Variants in TLN2 observed in about 807,000 individuals in gnomAD.
TLN2 encodes talin 2.
A neutral mutation model predicts 294.7 loss-of-function variants in TLN2; 118 were observed. The ratio of observed to expected loss-of-function variants is 0.40; its 90% confidence interval spans 0.34 to 0.47. The LOEUF (loss-of-function observed/expected upper bound fraction) is 0.47, where lower values mean the gene tolerates loss of function less well. Ranked by LOEUF, TLN2 falls within the 20% of genes least tolerant of loss-of-function variation. The pLI, the probability that TLN2 is intolerant of heterozygous loss-of-function variation, is 0.84. For synonymous variants in TLN2, 1,431 were observed against 1,304.5 expected (o/e 1.10, Z -2.09); for missense variants, 3,083 against 3,282.2 (o/e 0.94, Z 1.48).
intron 48 of TLN2, among the ~76,000 whole-genome samples, chr15:62,797,679 C>G (rs2065598789): frequency 6.6e-6 from 1 of 152,104 alleles, no homozygotes; most frequent in Non-Finnish European, 1.5e-5. Context: ...CACGGCATAC[C>G]TGAGGGAGGG....
At chr15:62,678,331 T>G (rs2056460705) in intron 11 of TLN2, among the ~76,000 whole-genome samples, 3 of 152,226 alleles carry the variant, frequency 2.0e-5, no homozygotes, top group Non-Finnish European at 2.9e-5. Context: ...TAAGAATTAA[T>G]GAACCTGAAT....
At chr15:62,391,015 G>A (rs1372320828) in intron 1 of TLN2, among the ~76,000 whole-genome samples, 2 of 152,244 alleles carry the variant, frequency 1.3e-5, no homozygotes, top group Non-Finnish European at 2.9e-5. Context: ...CTGGCCGTGG[G>A]CAGCCGGTCC....
At chr15:62,571,022 G>A (rs1443181894) in intron 1 of TLN2, among the ~76,000 whole-genome samples, 1 of 151,966 alleles carries the variant, frequency 6.6e-6, no homozygotes, top group East Asian at 1.9e-4. Context: ...AGTCAGCCTG[G>A]TCATAATGTG....
At chr15:62,466,633 C>A (rs2037151329) in intron 1 of TLN2, among the ~76,000 whole-genome samples, 1 of 152,202 alleles carries the variant, frequency 6.6e-6, no homozygotes, top group Non-Finnish European at 1.5e-5. Flanking sequence ...CCCTTTTCTC[C>A]TTTTGCTTTG....
At position 62,819,519 on chromosome 15, in the gene TLN2, C is replaced by T; in HGVS notation, c.6775C>T (p.Leu2259Phe). The T allele has an allele frequency of 6.2e-7, 1 of 1,614,060 alleles. No homozygotes were observed. The highest frequency in any genetic ancestry group is 2.2e-5 in the East Asian group (1 of 44,874). ...LDLLEHVLVI[L>F]QKPTPEFKQQ... ...CTGACTTGTTCTTCACCTGTAGATTCTTCAGAAACCAACCCCAGAATTCAA... is the reference window on the plus strand; with the variant it reads ...CTGACTTGTTCTTCACCTGTAGATTTTTCAGAAACCAACCCCAGAATTCAA... Residue 2259 changes from leucine (L) to phenylalanine (F), a missense_variant, in exon 53 of 59, where the codon CTT (leucine) becomes TTT (phenylalanine). Leu to Phe is a conservative substitution (Grantham distance 22). Transcript: ENST00000636159.
intron 1 of TLN2, among the ~76,000 whole-genome samples, chr15:62,528,341 A>G (rs1181200910): frequency 6.6e-6 from 1 of 152,202 alleles, no homozygotes; most frequent in Admixed American, 6.5e-5. Context: ...GATTAAGGTG[A>G]TTGAGTCATT....
intron 1 of TLN2, among the ~76,000 whole-genome samples, chr15:62,462,813 C>G (rs1449182012): frequency 6.6e-6 from 1 of 152,208 alleles, no homozygotes; most frequent in African/African-American, 2.4e-5. Context: ...CTGGCCATTT[C>G]TCTTTCCCTC....
At chr15:62,788,660 C>T (rs1406564665) in intron 45 of TLN2, among the ~76,000 whole-genome samples, 1 of 152,178 alleles carries the variant, frequency 6.6e-6, no homozygotes, top group Non-Finnish European at 1.5e-5. Flanking sequence ...CTTTAAATAA[C>T]TTTTTGGAAT....
chr15:62,832,074 A>G (rs558924320), intron 54 of TLN2: 29 of 151,934 alleles, frequency 1.9e-4, no homozygotes, highest in African/African-American at 4.8e-4. Context: ...TTCTCACTGT[A>G]AAAATAAGGA....
intron 1 of TLN2, among the ~76,000 whole-genome samples, chr15:62,511,557 C>T (rs1322365664): frequency 1.3e-5 from 2 of 152,080 alleles, no homozygotes; most frequent in South Asian, 2.1e-4. Context: ...CTTGCAGCTC[C>T]CCTACCTGCT....
chr15:62,631,521 C>CCTTTCCTTTT (rs2049844268), intron 3 of TLN2, among the ~76,000 whole-genome samples: 1 of 49,772 alleles, frequency 2.0e-5, no homozygotes, highest in Non-Finnish European at 4.0e-5. Context: ...TTTCTTTCTT[C>CCTTTCCTTTT]CTTTCCTTTC....
At chr15:62,796,002 G>C (rs141833112) in intron 46 of TLN2, 125 bp from the exon 47 acceptor site, 3 of 1,256,704 alleles carry the variant, frequency 2.4e-6, no homozygotes, top group East Asian at 4.9e-5. Context: ...GTTGACTCCA[G>C]ATGTGTGTTG....
chr15:62,800,704 G>A lies in TLN2; in HGVS notation c.6412G>A (p.Asp2138Asn). Reference protein sequence around the residue: ...SLLKTVKAVEDEATRGTRALE... With the variant: ...SLLKTVKAVENEATRGTRALE... ...CCTCAAGACTGTAAAGGCAGTGGAGGATGAGGCCACCCGGGGCACCAGGGC... is the reference window on the plus strand; with the variant it reads ...CCTCAAGACTGTAAAGGCAGTGGAGAATGAGGCCACCCGGGGCACCAGGGC... The change falls in exon 50 of 59, where the codon GAT (aspartate) becomes AAT (asparagine). Residue 2138 changes from aspartate to asparagine, a missense_variant. Physicochemically the swap from Asp to Asn is conservative, Grantham distance 23. Coordinates refer to ENST00000636159, the MANE Select transcript of TLN2 (RefSeq NM_015059.3). 1 of 1,614,150 alleles carries A rather than the reference G, an allele frequency of 6.2e-7. No homozygotes were observed. Among genetic ancestry groups the A allele is most frequent in the African/African-American group, 1.3e-5 (1 of 75,052 alleles).
At chr15:62,730,209 T>C (rs1184280548) in intron 28 of TLN2, among the ~76,000 whole-genome samples, 1 of 151,906 alleles carries the variant, frequency 6.6e-6, no homozygotes, top group Non-Finnish European at 1.5e-5. Context: ...ACCCAGCTAA[T>C]TTTTGTATTT....
chr15:62,553,969 A>ATTTTTT, intron 1 of TLN2, among the ~76,000 whole-genome samples: 1 of 150,112 alleles, frequency 6.7e-6, no homozygotes, highest in Non-Finnish European at 1.5e-5. Context: ...AGCTAGAGCT[A>ATTTTTT]CAGAACATAA....
At chr15:62,427,522 G>C (rs1344474152) in intron 1 of TLN2, among the ~76,000 whole-genome samples, 16 of 152,118 alleles carry the variant, frequency 1.1e-4, no homozygotes, top group Admixed American at 1.0e-3. Flanking sequence ...TATGGAGTTG[G>C]GGTGAGAGCT....
intron 9 of TLN2, among the ~76,000 whole-genome samples, chr15:62,661,993 C>T (rs926480578): frequency 3.3e-5 from 5 of 152,056 alleles, no homozygotes; most frequent in African/African-American, 1.2e-4. Flanking sequence ...GCAAAAATTT[C>T]AGATATGCAG....
At chr15:62,628,739 T>C (rs2049509213) in intron 3 of TLN2, among the ~76,000 whole-genome samples, 1 of 152,214 alleles carries the variant, frequency 6.6e-6, no homozygotes, top group African/African-American at 2.4e-5. Flanking sequence ...GGCAACCTTA[T>C]GGGATTTGGT....
At chr15:62,539,341 C>T (rs763387248) in intron 1 of TLN2, among the ~76,000 whole-genome samples, 4 of 152,038 alleles carry the variant, frequency 2.6e-5, no homozygotes, top group African/African-American at 4.8e-5. Flanking sequence ...AACCTTGGCT[C>T]GCTGTGCTGT....
Sources: gnomAD v4.1 joint callset for allele counts (sites outside exome capture counted in the v4.1 genomes callset) on GRCh38, gnomAD v4.1.1 for gene constraint, MANE v1.5 for transcripts, NCBI Gene and HGNC (gene_info 2026-07-23, HGNC 2026-07-21) for gene names.